APCDD1L: variants seen among roughly 807,000 people sequenced by gnomAD.
The protein encoded by APCDD1L is APC down-regulated 1 like.
A neutral mutation model predicts 24.2 loss-of-function variants in APCDD1L; 21 were observed. That is an observed-to-expected ratio of 0.87 (90% CI 0.61 to 1.25). The LOEUF (loss-of-function observed/expected upper bound fraction) is 1.25. Ranked by LOEUF, APCDD1L falls within the 50% of genes most tolerant of loss-of-function variation. The probability of loss-of-function intolerance (pLI) is 0.00; values close to 1 mark genes in which losing one functional copy is unlikely to be tolerated. For missense variants in APCDD1L, 704 were observed against 711.7 expected (o/e 0.99, Z 0.12); for synonymous variants, 321 against 323.6 (o/e 0.99, Z 0.09).
intron 1 of APCDD1L, among the ~76,000 whole-genome samples, chr20:58,486,997 G>A (rs1320278592): frequency 6.6e-6 from 1 of 151,626 alleles, no homozygotes; most frequent in African/African-American, 2.4e-5. Context: ...AAGTAGCTGG[G>A]ATTACAGGCA....
intron 1 of APCDD1L, among the ~76,000 whole-genome samples, chr20:58,489,094 G>A (rs1001993012): frequency 1.3e-5 from 2 of 152,168 alleles, no homozygotes; most frequent in Non-Finnish European, 2.9e-5. Flanking sequence ...TATAAAAAAA[G>A]TTTATGATCC....
chr20:58,493,970 C>A (rs1487322426), intron 1 of APCDD1L, among the ~76,000 whole-genome samples: 1 of 152,206 alleles, frequency 6.6e-6, no homozygotes, highest in African/African-American at 2.4e-5. Flanking sequence ...TCAATTCACA[C>A]ATATTTTATA....
chr20:58,487,786 C>A lies in APCDD1L; in HGVS notation c.50-17039G>T, dbSNP rs944762206. Among the ~76,000 whole-genome samples, 26 of 152,174 alleles carry A rather than the reference C, an allele frequency of 1.7e-4. 1 individual carries two copies. The highest frequency in any genetic ancestry group is 6.5e-5 in the Admixed American group (1 of 15,284). ...GATGGCCATATCAGAACATACAAAG[C>A]AAACATTGCTATAGCTAGAGGGAAA... On this transcript the variant is annotated intron_variant, in intron 1 of 3. Coordinates refer to ENST00000371149, the MANE Select transcript of APCDD1L (RefSeq NM_153360.3).
intron 1 of APCDD1L, among the ~76,000 whole-genome samples, chr20:58,500,684 T>C (rs1990418333): frequency 6.6e-6 from 1 of 152,174 alleles, no homozygotes; most frequent in African/African-American, 2.4e-5. Flanking sequence ...ATGGCTTTCC[T>C]TTCGGCTCAC....
At chr20:58,492,171 G>T (rs918726826) in intron 1 of APCDD1L, among the ~76,000 whole-genome samples, 1 of 152,210 alleles carries the variant, frequency 6.6e-6, no homozygotes, top group Non-Finnish European at 1.5e-5. Flanking sequence ...CTTAAAATGC[G>T]CAAGTGCAGA....
At position 58,470,760 on chromosome 20, in the gene APCDD1L, C is replaced by A; in HGVS notation, c.50-13G>T. 6.5e-7 allele frequency: 1 copy of A among 1,530,906 alleles called. No homozygotes were observed. The highest frequency in any genetic ancestry group is 2.4e-5 in the East Asian group (1 of 40,892). The allele number at this position is 1,530,906 out of a possible 1,614,324, so 94.8% of individuals were successfully genotyped here. A position where few individuals can be genotyped will look rare whatever the true frequency, so the allele number is the denominator to read the frequency against. On this transcript the variant is annotated splice_polypyrimidine_tract_variant and intron_variant, in intron 1 of 3. Coordinates refer to ENST00000371149, the MANE Select transcript of APCDD1L (RefSeq NM_153360.3). ...GGTGCAGTGTGGGCTGCAAAGCAGA[C>A]AGACCTGGGTAAGACCCCAGCATGC...
intron 1 of APCDD1L, among the ~76,000 whole-genome samples, chr20:58,498,480 A>G (rs1400008969): frequency 3.9e-5 from 6 of 152,238 alleles, no homozygotes; most frequent in Non-Finnish European, 5.9e-5. Context: ...GGATTCTGTT[A>G]ATATCATTGG....
At chr20:58,488,462 C>G (rs1990166075) in intron 1 of APCDD1L, among the ~76,000 whole-genome samples, 1 of 152,026 alleles carries the variant, frequency 6.6e-6, no homozygotes, top group African/African-American at 2.4e-5. Flanking sequence ...AAAAACTGTC[C>G]CCATACTAGG....
At chr20:58,474,573 G>A (rs374273770) in intron 1 of APCDD1L, among the ~76,000 whole-genome samples, 38 of 152,132 alleles carry the variant, frequency 2.5e-4, no homozygotes, top group East Asian at 1.4e-3. Flanking sequence ...GCATGGTGGC[G>A]CGCACCTGTA....
intron 1 of APCDD1L, among the ~76,000 whole-genome samples, chr20:58,480,517 G>A (rs1327904579): frequency 6.6e-6 from 1 of 152,246 alleles, no homozygotes; most frequent in Non-Finnish European, 1.5e-5. Context: ...ACCACCTGGA[G>A]AAGGTGACTG....
Position 58,467,624 on chromosome 20 carries a change from G to C in APCDD1L, c.223C>G (p.Arg75Gly). 1 of 1,524,394 alleles carries C rather than the reference G, an allele frequency of 6.6e-7. No homozygotes were observed. Among genetic ancestry groups the C allele is most frequent in the Non-Finnish European group, 8.8e-7 (1 of 1,131,444 alleles). The allele number at this position is 1,524,394 out of a possible 1,614,324, so 94.4% of individuals were successfully genotyped here. A position where few individuals can be genotyped will look rare whatever the true frequency, so the allele number is the denominator to read the frequency against. Residue 75 changes from arginine (R) to glycine (G), a missense_variant, in exon 3 of 4, where the codon CGC becomes GGC. Transcript: ENST00000371149. This position sits in a 1 kb window ranked among gnomAD's most constrained non-coding sequence, Gnocchi z 5.9. ...CGGCTGGGGTAGAAGGTGTAGGCGCGGGTCAGGAACTCCGGTCCTGGGCGC... is the reference window on the plus strand; with the variant it reads ...CGGCTGGGGTAGAAGGTGTAGGCGCCGGTCAGGAACTCCGGTCCTGGGCGC... ...EVRPGPEFLTRAYTFYPSRLF... is the reference protein window; with the variant it reads ...EVRPGPEFLTGAYTFYPSRLF...
At chr20:58,479,321 T>C (rs566350017) in intron 1 of APCDD1L, among the ~76,000 whole-genome samples, 34 of 152,232 alleles carry the variant, frequency 2.2e-4, no homozygotes, top group Non-Finnish European at 4.1e-4. Context: ...TATTTTATAC[T>C]TACAGCACAA....
At chr20:58,488,907 G>C (rs1453378385) in intron 1 of APCDD1L, among the ~76,000 whole-genome samples, 1 of 151,438 alleles carries the variant, frequency 6.6e-6, no homozygotes, top group Non-Finnish European at 1.5e-5. Context: ...GAATGAACAA[G>C]GTCCAAGATG....
chr20:58,492,948 C>A (rs760947837), intron 1 of APCDD1L, among the ~76,000 whole-genome samples: 3 of 150,564 alleles, frequency 2.0e-5, no homozygotes, highest in African/African-American at 7.4e-5. Flanking sequence ...ACACACAATG[C>A]AAGCATGCAT....
intron 1 of APCDD1L, chr20:58,513,861 C>A (rs1990681802): frequency 1.5e-6 from 2 of 1,301,642 alleles, no homozygotes; most frequent in Non-Finnish European, 2.0e-6. Context: ...GGCTTCCCAG[C>A]CAGGTGGTCT....
chr20:58,466,361 C>T (rs771854026), intron 3 of APCDD1L, among the ~76,000 whole-genome samples: 1 of 152,204 alleles, frequency 6.6e-6, no homozygotes, highest in Admixed American at 6.5e-5. Flanking sequence ...CCTGAAGGAT[C>T]CCTTTCGGCC....
intron 1 of APCDD1L, among the ~76,000 whole-genome samples, chr20:58,502,920 G>T (rs1990467735): frequency 6.6e-6 from 1 of 152,148 alleles, no homozygotes. Context: ...AGACTCAGGG[G>T]CCCAACCTCT....
rs1450017490 is a variant in APCDD1L at position 58,467,056 on chromosome 20, CT to C, written c.741+49del. 1.3e-6 allele frequency: 2 copies of C among 1,539,140 alleles called. No individual in the cohort carries two copies. Among genetic ancestry groups the C allele is most frequent in the Middle Eastern group, 1.7e-4 (1 of 5,754 alleles). ...CTGCGGGGCTGGGTTCCGAGCTCGC[CT>C]CCCCGAGACCACCACCCCCCTCTCC... On this transcript the variant is annotated intron_variant, in intron 3 of 3. Transcript: ENST00000371149. The surrounding 1 kb of genome is among the most constrained non-coding windows in gnomAD (Gnocchi z 5.9).
Position 58,460,356 on chromosome 20 carries a change from G to A in APCDD1L, c.*434C>T, listed in dbSNP as rs761277795. ...CAGACATGGCAGAACTGTAGGCCTC[G>A]TCCCTAGGCAGAGCCTCAGGATCTC... On this transcript the variant is annotated 3_prime_UTR_variant, in exon 4 of 4. Coordinates refer to ENST00000371149, the MANE Select transcript of APCDD1L (RefSeq NM_153360.3). This position sits in a 1 kb window ranked among gnomAD's most constrained non-coding sequence, Gnocchi z 4.2. 3.7e-4 allele frequency: 61 copies of A among 163,584 alleles called. No individual in the cohort carries two copies. Among genetic ancestry groups the A allele is most frequent in the African/African-American group, 1.1e-3 (45 of 42,042 alleles). The allele number at this position is 163,584 out of a possible 1,614,324, so 10.1% of individuals were successfully genotyped here.
Sources: gnomAD v4.1 joint callset for allele counts (sites outside exome capture counted in the v4.1 genomes callset) on GRCh38, gnomAD v4.1.1 for gene constraint, Gnocchi (gnomAD v3.1) non-coding constraint, MANE v1.5 for transcripts, NCBI Gene and HGNC (gene_info 2026-07-23, HGNC 2026-07-21) for gene names.